Variants in NAV3 observed in about 807,000 individuals in gnomAD.
NAV3 encodes pore membrane and/or filament interacting like protein 1.
In NAV3, 87 loss-of-function variants were observed where a neutral mutation model predicts 244.7. The ratio of observed to expected loss-of-function variants is 0.36; its 90% CI spans 0.30 to 0.42. The LOEUF is 0.42. Among genes scored for constraint, NAV3 ranks in the 20% least tolerant of loss-of-function variants. The pLI is 1.00. For missense variants in NAV3, 2,663 were observed against 2,893.3 expected (o/e 0.92, Z 1.83); for synonymous variants, 1,126 against 1,042.2 (o/e 1.08, Z -1.55).
At chr12:78,007,578 G>C (rs910390786) in intron 8 of NAV3, 133 bp downstream of exon 8, 1 of 967,264 alleles carries the variant, frequency 1.0e-6, no homozygotes, top group East Asian at 2.6e-5. Context: ...TAAAGATAGA[G>C]GCCTAGAATT....
chr12:78,048,036 C>T (rs192238248), intron 9 of NAV3, among the ~76,000 whole-genome samples: 27 of 152,206 alleles, frequency 1.8e-4, no homozygotes, highest in African/African-American at 5.1e-4. Flanking sequence ...CGAAGAATTT[C>T]GTGCTATGTT....
intron 7 of NAV3, among the ~76,000 whole-genome samples, chr12:78,000,534 C>G (rs1380722954): frequency 8.0e-6 from 1 of 125,562 alleles, no homozygotes; most frequent in Non-Finnish European, 1.6e-5. Context: ...GACGGAGTCT[C>G]ACTCTGTCGC....
chr12:78,154,618 A>G (rs1957227474), intron 22 of NAV3, among the ~76,000 whole-genome samples: 1 of 151,548 alleles, frequency 6.6e-6, no homozygotes, highest in Non-Finnish European at 1.5e-5. Context: ...AGTCTTGTCT[A>G]TTTTATTACC....
chr12:78,210,281 C>T (rs1960769802), intron 39 of NAV3, 117 bp from the exon 40 acceptor site: 3 of 1,455,970 alleles, frequency 2.1e-6, no homozygotes, highest in Middle Eastern at 2.4e-4. Flanking sequence ...AAATTATTTT[C>T]CCCTGTTACT....
chr12:77,895,335 G>GTT (rs1435154275), intron 1 of NAV3, among the ~76,000 whole-genome samples: 1 of 151,676 alleles, frequency 6.6e-6, no homozygotes, highest in Admixed American at 6.6e-5. Flanking sequence ...GTGTGTGTGT[G>GTT]TGTTTATTTT....
intron 23 of NAV3, among the ~76,000 whole-genome samples, chr12:78,160,402 TGC>T (rs1555184796): frequency 4.5e-4 from 41 of 90,522 alleles, no homozygotes; most frequent in South Asian, 1.2e-3. Flanking sequence ...TGTGTGTGCG[TGC>T]GTGTGTGTGT....
chr12:78,108,072 C>T (rs188634389), intron 12 of NAV3, among the ~76,000 whole-genome samples: 25 of 152,110 alleles, frequency 1.6e-4, no homozygotes, highest in Admixed American at 1.4e-3. Context: ...AGAAACTTAC[C>T]AGGCAGACAT....
intron 2 of NAV3, among the ~76,000 whole-genome samples, chr12:77,789,833 A>G (rs1301527972): frequency 1.4e-5 from 2 of 146,054 alleles, no homozygotes; most frequent in African/African-American, 5.1e-5. Flanking sequence ...AAAAAAAAAA[A>G]AAAGAGAACA....
chr12:77,740,486 G>A (rs748107908), intron 2 of NAV3, among the ~76,000 whole-genome samples: 1 of 151,882 alleles, frequency 6.6e-6, no homozygotes, highest in South Asian at 2.1e-4. Context: ...GTGGGGTGGT[G>A]GTGGGCCAGT....
chr12:77,665,565 A>G (rs1280385299), intron 2 of NAV3, among the ~76,000 whole-genome samples: 1 of 152,220 alleles, frequency 6.6e-6, no homozygotes, highest in Non-Finnish European at 1.5e-5. Flanking sequence ...TATCTTGGGA[A>G]GATAAGGACT....
At chr12:78,168,692 T>C in intron 23 of NAV3, 63 bp from the exon 24 acceptor site, 1 of 1,056,960 alleles carries the variant, frequency 9.5e-7, no homozygotes, top group South Asian at 1.5e-5. Context: ...AATTCAACTA[T>C]GAGCAGGGAG....
rs554669596 is a variant in NAV3, at chr12:78,207,151, T to G, written c.7038+2013T>G. 3.3e-5 allele frequency among the ~76,000 whole-genome samples: 5 copies of G among 152,294 alleles called. No individual in the cohort carries two copies. The South Asian group carries it at 1.0e-3, about 32-fold the overall frequency. On this transcript the variant is annotated intron_variant, in intron 39 of 39. Transcript: ENST00000397909. Reference sequence around the variant, plus strand: ...GCCAACATATATTTTCAGTCCATTCTAAATCAGAAATCCTACAAAATATCC... The same window carrying G: ...GCCAACATATATTTTCAGTCCATTCGAAATCAGAAATCCTACAAAATATCC...
intron 2 of NAV3, among the ~76,000 whole-genome samples, chr12:77,816,598 C>T (rs539376633): frequency 2.0e-5 from 3 of 152,166 alleles, no homozygotes; most frequent in Non-Finnish European, 4.4e-5. Context: ...TGGTTGTGAA[C>T]TCCACATGTG....
chr12:77,661,085 A>G (rs1873422364), intron 2 of NAV3, among the ~76,000 whole-genome samples: 1 of 152,132 alleles, frequency 6.6e-6, no homozygotes, highest in Non-Finnish European at 1.5e-5. Flanking sequence ...TCTAAAATAT[A>G]TGTTTTAATT....
At chr12:77,979,470 G>T (rs11107651) in intron 5 of NAV3, among the ~76,000 whole-genome samples, 2,746 of 152,012 alleles carry the variant, frequency 0.018, 47 homozygotes, top group Non-Finnish European at 0.03. Context: ...TTATTTTTCT[G>T]TAGCCAAGTC....
At chr12:78,067,845 A>C (rs1885204166) in intron 12 of NAV3, among the ~76,000 whole-genome samples, 1 of 152,116 alleles carries the variant, frequency 6.6e-6, no homozygotes, top group Admixed American at 6.6e-5. Flanking sequence ...TCCCAATACA[A>C]GAGATGGTTC....
chr12:77,704,477 T>C (rs1453158159), intron 2 of NAV3, among the ~76,000 whole-genome samples: 3 of 152,180 alleles, frequency 2.0e-5, no homozygotes, highest in Non-Finnish European at 4.4e-5. Context: ...CAAAATAGTA[T>C]TGTGTACGTA....
intron 12 of NAV3, among the ~76,000 whole-genome samples, chr12:78,081,786 T>G (rs1044544957): frequency 6.6e-6 from 1 of 152,148 alleles, no homozygotes; most frequent in African/African-American, 2.4e-5. Context: ...CACACTCAAG[T>G]GCCCCTTTCC....
chr12:78,091,682 G>A (rs1354528872), intron 12 of NAV3: 1 of 149,298 alleles, frequency 6.7e-6, no homozygotes, highest in African/African-American at 2.5e-5. Context: ...TGTAGTCCCA[G>A]CTACTTGGGA....
Sources: allele counts gnomAD v4.1 joint callset (sites outside exome capture counted in the v4.1 genomes callset), GRCh38; gene constraint gnomAD v4.1.1; transcripts MANE v1.5; gene names NCBI Gene and HGNC (gene_info 2026-07-23, HGNC 2026-07-21).